Variants in MAN2A1 observed in about 807,000 individuals in gnomAD.
The protein encoded by MAN2A1 is alpha-mannosidase 2.
In MAN2A1, 76 loss-of-function variants were observed where a neutral mutation model predicts 142.6. The ratio of observed to expected loss-of-function variants is 0.53; its 90% confidence interval spans 0.44 to 0.65. The LOEUF is 0.65. Among genes scored for constraint, MAN2A1 ranks in the 30% least tolerant of loss-of-function variants. The pLI, the probability that MAN2A1 is intolerant of heterozygous loss-of-function variation, is 0.00. For missense variants in MAN2A1, 1,311 were observed against 1,365.1 expected, an observed-to-expected ratio of 0.96 and a Z score of 0.62; for synonymous variants, 559 against 473.2, an observed-to-expected ratio of 1.18 and a Z score of -2.35.
intron 19 of MAN2A1, 90 bp from the exon 20 acceptor site, chr5:109,855,049 AT>A (rs1217014900): frequency 3.4e-6 from 2 of 581,556 alleles, no homozygotes; most frequent in Non-Finnish European, 5.4e-6. Context: ...TTATTCATAT[AT>A]TTTTATATTA....
chr5:109,818,379 A>G (rs1024896919), intron 13 of MAN2A1, among the ~76,000 whole-genome samples: 1 of 152,022 alleles, frequency 6.6e-6, no homozygotes, highest in African/African-American at 2.4e-5. Flanking sequence ...CCCGTGATCC[A>G]CCTTCTAGCT....
chr5:109,841,537 A>G (rs12659932), intron 16 of MAN2A1, among the ~76,000 whole-genome samples: 25,821 of 152,128 alleles, frequency 0.17, 3,181 homozygotes, highest in East Asian at 0.64. Flanking sequence ...CCTCTTCTCT[A>G]TCTATGAAAT....
chr5:109,713,530 C>G lies in MAN2A1; in HGVS notation c.146C>G (p.Ser49Ter), dbSNP rs778253447. ...TCTTTTTTATTGTAGGGCCAGCTCT[C>G]AATGTTGCAAGAAAAAATAGACCAT... is the stretch of plus-strand genomic sequence containing the variant. ...REGSFPQGQL[S>*]MLQEKIDHLE... Residue 49 changes from serine to a stop codon, truncating the protein, a stop_gained, in exon 2 of 22, where the codon TCA (serine) becomes TGA (stop). Transcript: ENST00000261483. LOFTEE classifies it high-confidence loss of function. 1 of 1,606,690 alleles carries G rather than the reference C, an allele frequency of 6.2e-7. No homozygotes were observed. The highest frequency in any genetic ancestry group is 8.5e-7 in the Non-Finnish European group (1 of 1,174,616).
intron 16 of MAN2A1, among the ~76,000 whole-genome samples, chr5:109,827,060 TTAAACCAACC>T (rs1754778220): frequency 6.6e-6 from 1 of 152,238 alleles, no homozygotes; most frequent in African/African-American, 2.4e-5. Context: ...TTTGTCCCCC[TTAAACCAACC>T]AGATGCAGTT....
intron 12 of MAN2A1, among the ~76,000 whole-genome samples, chr5:109,801,614 T>TTA (rs1261883505): frequency 6.6e-6 from 1 of 152,178 alleles, no homozygotes; most frequent in African/African-American, 2.4e-5. Flanking sequence ...AAAAAGCAGC[T>TTA]ACCAGATTTT....
intron 3 of MAN2A1, among the ~76,000 whole-genome samples, chr5:109,716,763 T>G (rs1346254091): frequency 6.6e-6 from 1 of 152,208 alleles, no homozygotes. Context: ...TAGATGACTT[T>G]AGGCAAGTTA....
At position 109,806,133 on chromosome 5, in the gene MAN2A1, G is replaced by T. The variant is rs144641177; in HGVS notation, c.1944-11140G>T. 4.6e-3 allele frequency among the ~76,000 whole-genome samples: 705 copies of T among 152,274 alleles called. 6 individuals are homozygous for T. Among genetic ancestry groups the T allele is most frequent in the African/African-American group, 0.016 (682 of 41,562 alleles). ...GAGCAGTCTGATAAGGCTCTGTTCAGAGAGGCAGGGGGAGGGTAATGGGAT... is the reference window on the plus strand; with the variant it reads ...GAGCAGTCTGATAAGGCTCTGTTCATAGAGGCAGGGGGAGGGTAATGGGAT... On this transcript the variant is annotated intron_variant, in intron 12 of 21. Coordinates refer to ENST00000261483, the MANE Select transcript of MAN2A1 (RefSeq NM_002372.4).
chr5:109,709,060 A>G (rs1401702222), intron 1 of MAN2A1, among the ~76,000 whole-genome samples: 2 of 152,220 alleles, frequency 1.3e-5, no homozygotes, highest in African/African-American at 4.8e-5. Flanking sequence ...GTGCCTACTG[A>G]AGCCCTGAAG....
Position 109,755,552 on chromosome 5 carries a change from C to T in MAN2A1, c.835+96C>T, listed in dbSNP as rs552016958. ...GTTCTTTTTTCGAGTAACTATTTTCCCTGTTAGTCATTATTGTTGAATAAT... is the reference window on the plus strand; with the variant it reads ...GTTCTTTTTTCGAGTAACTATTTTCTCTGTTAGTCATTATTGTTGAATAAT... On this transcript the variant is annotated intron_variant, in intron 5 of 21. Coordinates refer to ENST00000261483, the MANE Select transcript of MAN2A1 (RefSeq NM_002372.4). 9 of 901,532 alleles carry T rather than the reference C, an allele frequency of 1.0e-5. No individual in the cohort carries two copies. The South Asian group carries it at 1.6e-4, about 16-fold the overall frequency. The allele number at this position is 901,532 out of a possible 1,614,324, so 55.8% of individuals were successfully genotyped here. A position where few individuals can be genotyped will look rare whatever the true frequency, so the allele number is the denominator to read the frequency against.
intron 16 of MAN2A1, among the ~76,000 whole-genome samples, chr5:109,828,617 G>A (rs1319662978): frequency 1.3e-5 from 2 of 152,294 alleles, no homozygotes; most frequent in Middle Eastern, 3.4e-3. Flanking sequence ...TTTCATTGGC[G>A]CAAGGACTGT....
chr5:109,728,218 GT>G (rs1269006855), intron 3 of MAN2A1, among the ~76,000 whole-genome samples: 1 of 152,146 alleles, frequency 6.6e-6, no homozygotes, highest in Non-Finnish European at 1.5e-5. Flanking sequence ...TGTCAGAATA[GT>G]TTTGTCTTCT....
chr5:109,756,486 C>T (rs2112629263), intron 5 of MAN2A1, among the ~76,000 whole-genome samples: 1 of 152,118 alleles, frequency 6.6e-6, no homozygotes, highest in East Asian at 1.9e-4. Context: ...TTCTTAATCC[C>T]TATTTTTTCT....
chr5:109,779,811 A>T (rs995891582), intron 8 of MAN2A1, among the ~76,000 whole-genome samples: 1 of 152,174 alleles, frequency 6.6e-6, no homozygotes, highest in Non-Finnish European at 1.5e-5. Flanking sequence ...TGTTTGGTGA[A>T]GCCAAGATAC....
chr5:109,825,226 T>G (rs908044045), intron 16 of MAN2A1, among the ~76,000 whole-genome samples: 2 of 152,180 alleles, frequency 1.3e-5, no homozygotes, highest in Non-Finnish European at 2.9e-5. Flanking sequence ...ATCTTCAACT[T>G]TATAGCATTA....
chr5:109,712,697 A>G lies in MAN2A1; in HGVS notation c.136-823A>G, dbSNP rs2112560795. Among the ~76,000 whole-genome samples, 3 of 152,242 alleles carry G rather than the reference A, an allele frequency of 2.0e-5. 1 individual carries two copies. Among genetic ancestry groups the G allele is most frequent in the Admixed American group, 2.0e-4 (3 of 15,292 alleles). ...AAAGACAGGGGCCCGTATCTTATGC[A>G]TGTCTTCCTAGCATACATGCCTGAC... On this transcript the variant is annotated intron_variant, in intron 1 of 21. Transcript: ENST00000261483.
intron 12 of MAN2A1, among the ~76,000 whole-genome samples, chr5:109,801,777 C>G (rs948582125): frequency 6.6e-6 from 1 of 151,950 alleles, no homozygotes; most frequent in African/African-American, 2.4e-5. Flanking sequence ...GAAAATCATA[C>G]CAAACACAAT....
At chr5:109,799,931 T>C (rs1037151312) in intron 12 of MAN2A1, among the ~76,000 whole-genome samples, 1 of 151,102 alleles carries the variant, frequency 6.6e-6, no homozygotes, top group Non-Finnish European at 1.5e-5. Flanking sequence ...CTACAGAAAA[T>C]ACAAAAATTA....
chr5:109,690,768 C>T (rs949677493), intron 1 of MAN2A1, among the ~76,000 whole-genome samples: 11 of 152,308 alleles, frequency 7.2e-5, no homozygotes, highest in African/African-American at 2.2e-4. Context: ...CGTGCGGCGG[C>T]GGCGGCGGCA....
chr5:109,839,250 A>C (rs1274096572), intron 16 of MAN2A1, among the ~76,000 whole-genome samples: 2 of 152,200 alleles, frequency 1.3e-5, no homozygotes, highest in African/African-American at 2.4e-5. Flanking sequence ...TTCCATATAC[A>C]TTTCATTTTG....
Sources: allele counts gnomAD v4.1 joint callset (sites outside exome capture counted in the v4.1 genomes callset), GRCh38; gene constraint gnomAD v4.1.1; transcripts MANE v1.5; gene names NCBI Gene and HGNC (gene_info 2026-07-23, HGNC 2026-07-21).